The following NUDT9 variants were observed in gnomAD, a reference collection of about 807,000 sequenced individuals.
NUDT9 encodes nudix hydrolase 9.
Under a neutral mutation model 41.0 loss-of-function variants are expected in NUDT9, and 31 were observed. The observed-to-expected ratio is 0.76, with a 90% CI of 0.57 to 1.02. The LOEUF is 1.02. Ranked by LOEUF, NUDT9 falls within the 50% of genes least tolerant of loss-of-function variation. The probability of loss-of-function intolerance (pLI) is 0.00; values close to 1 mark genes in which losing one functional copy is unlikely to be tolerated. For synonymous variants in NUDT9, 146 were observed against 147.6 expected, an observed-to-expected ratio of 0.99 and a Z score of 0.08; for missense variants, 380 against 431.4, an observed-to-expected ratio of 0.88 and a Z score of 1.06.
Position 87,449,201 on chromosome 4 carries a change from TACAA to T in NUDT9, c.591_594del (p.Leu197PhefsTer5). The T allele has an allele frequency of 6.2e-7, 1 of 1,611,914 alleles. No individual in the cohort carries two copies. The highest frequency in any genetic ancestry group is 1.1e-5 in the South Asian group (1 of 91,046). On this transcript the variant is annotated frameshift_variant, in exon 5 of 8. Coordinates refer to ENST00000302174, the MANE Select transcript of NUDT9 (RefSeq NM_024047.5). LOFTEE classifies it high-confidence loss of function. ...CATCCTGTTTCTGGGAAGCATATCT[TACAA>T]TTTGTTGCAATAAAAAGGAAAGACT...
chr4:87,454,082 C>T (rs1198431402), intron 6 of NUDT9, among the ~76,000 whole-genome samples: 2 of 151,656 alleles, frequency 1.3e-5, no homozygotes, highest in Admixed American at 6.6e-5. Flanking sequence ...AGGCTGGTCT[C>T]GAACTCCTGA....
intron 5 of NUDT9, among the ~76,000 whole-genome samples, chr4:87,450,752 A>G (rs773806027): frequency 1.4e-4 from 22 of 152,226 alleles, no homozygotes; most frequent in African/African-American, 4.6e-4. Context: ...TAATGATTTC[A>G]TCATAGAATC....
intron 4 of NUDT9, among the ~76,000 whole-genome samples, chr4:87,448,130 A>G (rs1464306557): frequency 1.4e-5 from 2 of 147,066 alleles, no homozygotes; most frequent in East Asian, 4.0e-4. Context: ...GTGAACTGTT[A>G]AAAGCAAATT....
At chr4:87,434,739 C>G (rs193204697) in intron 1 of NUDT9, among the ~76,000 whole-genome samples, 5 of 151,678 alleles carry the variant, frequency 3.3e-5, no homozygotes, top group Non-Finnish European at 7.4e-5. Context: ...AAGTGATTCT[C>G]TTGCCTCAGC....
In NUDT9 at chr4:87,452,948, A is replaced by C. The variant is rs1041542729; in HGVS notation, c.789+1213A>C. ...TGCCTCAGCCTCCAGAGTAGCTGGG[A>C]TTACAAGCATGTGCCACCATGCCTG... On this transcript the variant is annotated intron_variant, in intron 6 of 7. Coordinates refer to ENST00000302174, the MANE Select transcript of NUDT9 (RefSeq NM_024047.5). Among the ~76,000 whole-genome samples, 18 of 150,280 alleles carry C rather than the reference A, an allele frequency of 1.2e-4. 1 individual carries two copies. The highest frequency in any genetic ancestry group is 3.3e-4 in the Admixed American group (5 of 14,932).
chr4:87,428,999 T>G (rs1216521735), intron 1 of NUDT9, among the ~76,000 whole-genome samples: 1 of 152,190 alleles, frequency 6.6e-6, no homozygotes, highest in Non-Finnish European at 1.5e-5. Flanking sequence ...CTTATGGAAT[T>G]GTACACGTAA....
chr4:87,439,477 A>C (rs1225049264), intron 3 of NUDT9, among the ~76,000 whole-genome samples: 8 of 152,020 alleles, frequency 5.3e-5, no homozygotes, highest in Non-Finnish European at 1.2e-4. Flanking sequence ...CCAATATGGC[A>C]GAACCCTGTC....
At chr4:87,456,434 T>A (rs749783443) in intron 7 of NUDT9, among the ~76,000 whole-genome samples, 2 of 152,128 alleles carry the variant, frequency 1.3e-5, no homozygotes, top group Non-Finnish European at 2.9e-5. Context: ...TAGTTTTCCT[T>A]GAGGGCAGAG....
intron 5 of NUDT9, 137 bp downstream of exon 5, chr4:87,449,390 T>C: frequency 1.7e-6 from 1 of 590,660 alleles, no homozygotes; most frequent in South Asian, 1.9e-5. Context: ...ATGTTTTTCA[T>C]CCCTGCATGA....
chr4:87,449,321 T>TGG, intron 5 of NUDT9, 68 bp downstream of exon 5: 1 of 830,748 alleles, frequency 1.2e-6, no homozygotes, highest in Non-Finnish European at 2.1e-6. Flanking sequence ...GGGTTATTGT[T>TGG]TGTGAATCTT....
intron 4 of NUDT9, chr4:87,445,411 A>G (rs1036128071): frequency 7.9e-5 from 12 of 152,162 alleles, no homozygotes; most frequent in Admixed American, 7.9e-4. Flanking sequence ...TCATGATTCA[A>G]AACAGCGTTG....
chr4:87,457,338 C>A (rs1723032682), intron 7 of NUDT9, among the ~76,000 whole-genome samples: 1 of 147,316 alleles, frequency 6.8e-6, no homozygotes, highest in Admixed American at 7.1e-5. Context: ...TGGATTCAGA[C>A]AATTCTCTTG....
At chr4:87,456,630 A>G (rs1414941793) in intron 7 of NUDT9, among the ~76,000 whole-genome samples, 1 of 152,206 alleles carries the variant, frequency 6.6e-6, no homozygotes, top group African/African-American at 2.4e-5. Context: ...TCCAAAGGTC[A>G]GCTTTCAGCA....
chr4:87,437,392 G>C (rs1721990947), intron 2 of NUDT9, among the ~76,000 whole-genome samples: 1 of 152,008 alleles, frequency 6.6e-6, no homozygotes, highest in East Asian at 1.9e-4. Context: ...CCAGGCTGGA[G>C]TGCAGTGGCG....
intron 6 of NUDT9, among the ~76,000 whole-genome samples, chr4:87,452,080 G>A (rs1339961773): frequency 6.6e-6 from 1 of 151,412 alleles, no homozygotes; most frequent in East Asian, 1.9e-4. Context: ...TTGGCTTACT[G>A]CAACCTTCAC....
intron 7 of NUDT9, among the ~76,000 whole-genome samples, chr4:87,456,651 C>G (rs1723003370): frequency 6.6e-6 from 1 of 152,182 alleles, no homozygotes; most frequent in Non-Finnish European, 1.5e-5. Context: ...GTTAGTTACC[C>G]TTTAAGTGTT....
At chr4:87,426,256 C>T (rs202024388) in intron 1 of NUDT9, among the ~76,000 whole-genome samples, 1 of 124,712 alleles carries the variant, frequency 8.0e-6, no homozygotes, top group Admixed American at 7.2e-5. Flanking sequence ...ATGCATAAAA[C>T]ATATGAATGA....
intron 1 of NUDT9, among the ~76,000 whole-genome samples, chr4:87,424,253 CGTTTTT>C (rs1323969815): frequency 3.8e-5 from 4 of 103,910 alleles, no homozygotes; most frequent in African/African-American, 1.5e-4. Flanking sequence ...CTCCCTAATG[CGTTTTT>C]TTTTTTTTTT....
Position 87,423,855 on chromosome 4 carries a change from G to A in NUDT9, c.107+843G>A, listed in dbSNP as rs115479427. ...AGGTTGCCTAGATAGGAAGGTTTCAGTTGAGGGCATGTGAGCAGGTACCAG... is the reference window on the plus strand; with the variant it reads ...AGGTTGCCTAGATAGGAAGGTTTCAATTGAGGGCATGTGAGCAGGTACCAG... On this transcript the variant is annotated intron_variant, in intron 1 of 7. Transcript: ENST00000302174. 8.1e-3 allele frequency among the ~76,000 whole-genome samples: 1,235 copies of A among 152,308 alleles called. 10 individuals are homozygous for A. The highest frequency in any genetic ancestry group is 0.028 in the African/African-American group (1,170 of 41,556).
Sources: gnomAD v4.1 joint callset for allele counts (sites outside exome capture counted in the v4.1 genomes callset) on GRCh38, gnomAD v4.1.1 for gene constraint, MANE v1.5 for transcripts, NCBI Gene and HGNC (gene_info 2026-07-23, HGNC 2026-07-21) for gene names.